Variants in LARP7 observed in about 807,000 individuals in gnomAD.
LARP7 encodes the protein la-related protein 7.
LARP7 carries 52 observed loss-of-function variants against 69.3 expected under a neutral mutation model. The ratio of observed to expected loss-of-function variants is 0.75; its 90% CI spans 0.60 to 0.95. The LOEUF (loss-of-function observed/expected upper bound fraction) is 0.95. Ranked by LOEUF, LARP7 falls within the 40% of genes least tolerant of loss-of-function variation. LARP7 has a pLI of 0.00. For synonymous variants in LARP7, 254 were observed against 215.9 expected, an observed-to-expected ratio of 1.18 and a Z score of -1.55; for missense variants, 733 against 673.0, an observed-to-expected ratio of 1.09 and a Z score of -0.99.
rs749819793 is a variant in LARP7 at position 112,647,746 on chromosome 4, C to G, written c.1054C>G (p.Leu352Val). 5.1e-6 allele frequency: 8 copies of G among 1,568,528 alleles called. No homozygotes were observed. Among genetic ancestry groups the G allele is most frequent in the Non-Finnish European group, 6.9e-6 (8 of 1,156,690 alleles). Residue 352 changes from leucine to valine, a missense_variant, in exon 8 of 13, where the codon CTC becomes GTC. Leu to Val is a conservative substitution (Grantham distance 32). Transcript: ENST00000344442. Reference sequence around the variant, plus strand: ...TACTGGAGATCTAAAAGATAGCTCTCTCTTGAAAACAAAAAGGAAACATAA... The same window carrying G: ...TACTGGAGATCTAAAAGATAGCTCTGTCTTGAAAACAAAAAGGAAACATAA... ...KDTGDLKDSS[L>V]LKTKRKHKKK...
intron 8 of LARP7, chr4:112,648,604 G>A (rs1411091653): frequency 4.4e-6 from 2 of 458,078 alleles, no homozygotes; most frequent in Non-Finnish European, 4.6e-6. Flanking sequence ...TTAGAGCTGA[G>A]GAGAAAGAAA....
rs746051022 is a variant in LARP7, at chr4:112,654,210, A to G, written c.1668+51A>G. The G allele has an allele frequency of 6.9e-6, 9 of 1,308,464 alleles. No homozygotes were observed. In the East Asian group the frequency reaches 1.8e-4, roughly 27 times the overall value. The allele number at this position is 1,308,464 out of a possible 1,614,324, so 81.1% of individuals were successfully genotyped here. A position where few individuals can be genotyped will look rare whatever the true frequency, so the allele number is the denominator to read the frequency against. On this transcript the variant is annotated intron_variant, in intron 12 of 12. Transcript: ENST00000344442. ...AGACTAAACTTTCCTTGAACGTTTA[A>G]TGCCAAAGTCAGTACTAGGTAGTCA... is the stretch of plus-strand genomic sequence containing the variant.
intron 8 of LARP7, among the ~76,000 whole-genome samples, chr4:112,648,873 A>G (rs1009247401): frequency 1.4e-5 from 2 of 142,512 alleles, no homozygotes; most frequent in Admixed American, 7.2e-5. Context: ...TTTGAAGTAT[A>G]CAGATGTCAA....
intron 8 of LARP7, chr4:112,648,712 C>A (rs1278980136): frequency 3.0e-6 from 1 of 337,230 alleles, no homozygotes; most frequent in Non-Finnish European, 6.1e-6. Flanking sequence ...AAGGCAGGGA[C>A]TTCAGCCACT....
At chr4:112,643,946 T>C (rs1578563215) in intron 1 of LARP7, among the ~76,000 whole-genome samples, 1 of 151,648 alleles carries the variant, frequency 6.6e-6, no homozygotes, top group East Asian at 2.0e-4. Flanking sequence ...AAATTAACAT[T>C]TTAAAAATCA....
At chr4:112,652,975 C>CT in intron 10 of LARP7, 102 bp from the exon 11 acceptor site, 2 of 818,688 alleles carry the variant, frequency 2.4e-6, no homozygotes, top group Non-Finnish European at 3.5e-6. Context: ...CTGCAAAATG[C>CT]TTTATTTACA....
intron 12 of LARP7, among the ~76,000 whole-genome samples, chr4:112,655,782 C>T (rs913924014): frequency 6.6e-6 from 1 of 152,124 alleles, no homozygotes; most frequent in Admixed American, 6.6e-5. Flanking sequence ...GGAAAACTCT[C>T]TGCAAAGGTT....
chr4:112,653,046 T>G (rs1387279860), intron 10 of LARP7, 31 bp from the exon 11 acceptor site: 5 of 1,529,374 alleles, frequency 3.3e-6, no homozygotes, highest in South Asian at 2.5e-5. Flanking sequence ...TTTTTAAATT[T>G]TATTTGTCTT....
chr4:112,637,547 G>T (rs2149240641), intron 1 of LARP7: 1 of 152,420 alleles, frequency 6.6e-6, no homozygotes, highest in South Asian at 2.1e-4. Flanking sequence ...AGTCAATAAA[G>T]AGAGTGCCGT....
In LARP7 at chr4:112,653,066, C is replaced by T. The variant is rs372939303; in HGVS notation, c.1417-11C>T. 6.4e-7 allele frequency: 1 copy of T among 1,572,322 alleles called. No homozygotes were observed. The highest frequency in any genetic ancestry group is 8.6e-7 in the Non-Finnish European group (1 of 1,165,688). ...AAATTTTATTTGTCTTTCTACTTAA[C>T]TCTAATGCAGGATACTTTGGCAGCA... On this transcript the variant is annotated splice_polypyrimidine_tract_variant and intron_variant, in intron 10 of 12. Transcript: ENST00000344442.
intron 8 of LARP7, among the ~76,000 whole-genome samples, chr4:112,649,021 G>A (rs2048564738): frequency 6.6e-6 from 1 of 151,896 alleles, no homozygotes; most frequent in Admixed American, 6.6e-5. Context: ...GCCGAGAAAG[G>A]CATTGTGTTT....
chr4:112,640,773 A>G (rs1004528020), intron 1 of LARP7, among the ~76,000 whole-genome samples: 1 of 152,234 alleles, frequency 6.6e-6, no homozygotes, highest in Admixed American at 6.5e-5. Context: ...ATAGTGACTG[A>G]GGCAGTGGAC....
At chr4:112,644,244 GAA>G (rs577425889) in intron 1 of LARP7, 234 of 82,660 alleles carry the variant, frequency 2.8e-3, no homozygotes, top group South Asian at 3.8e-3. Context: ...CTGTCTCCAA[GAA>G]AAAAAAAAAA....
intron 9 of LARP7, among the ~76,000 whole-genome samples, chr4:112,650,203 G>A (rs1031792062): frequency 6.6e-6 from 1 of 151,896 alleles, no homozygotes; most frequent in Non-Finnish European, 1.5e-5. Context: ...CAGGGAGAAG[G>A]GGCAAATTTA....
At chr4:112,638,840 G>C (rs938447791) in intron 1 of LARP7, among the ~76,000 whole-genome samples, 8 of 152,072 alleles carry the variant, frequency 5.3e-5, no homozygotes, top group Non-Finnish European at 1.2e-4. Context: ...TTTTATATTT[G>C]TACAAGAGTC....
At chr4:112,654,307 G>A in intron 12 of LARP7, 148 bp downstream of exon 12, 1 of 501,158 alleles carries the variant, frequency 2.0e-6, no homozygotes, top group Non-Finnish European at 3.6e-6. Context: ...GGTTGGGAGG[G>A]AAAAGTCATT....
At position 112,654,150 on chromosome 4, in the gene LARP7, C is replaced by A; in HGVS notation, c.1659C>A (p.Gly553=). The A allele has an allele frequency of 6.2e-7, 1 of 1,612,330 alleles. No homozygotes were observed. Among genetic ancestry groups the A allele is most frequent in the Non-Finnish European group, 8.5e-7 (1 of 1,178,790 alleles). The change falls in exon 12 of 13, where the codon GGC becomes GGA. Residue 553 remains glycine, a synonymous_variant. Coordinates refer to ENST00000344442, the MANE Select transcript of LARP7 (RefSeq NM_016648.4). ...ATCAGCCTCGGGAAAAGAAAAGAGGCACTGAAAAGGTAATTGATTCATTTT... is the reference window on the plus strand; with the variant it reads ...ATCAGCCTCGGGAAAAGAAAAGAGGAACTGAAAAGGTAATTGATTCATTTT... ...KLNQPREKKR[G]TEKLITKAEK...
intron 1 of LARP7, chr4:112,644,373 C>A: frequency 1.8e-6 from 1 of 558,508 alleles, no homozygotes. Context: ...CACTTACTGA[C>A]TTAAAAGTGC....
intron 1 of LARP7, among the ~76,000 whole-genome samples, chr4:112,642,723 A>G (rs1356554322): frequency 1.3e-5 from 2 of 152,108 alleles, no homozygotes; most frequent in Non-Finnish European, 2.9e-5. Context: ...TTTTTCTCCC[A>G]TTTACCCACA....
Sources: allele counts gnomAD v4.1 joint callset (sites outside exome capture counted in the v4.1 genomes callset), GRCh38; gene constraint gnomAD v4.1.1; transcripts MANE v1.5; gene names NCBI Gene and HGNC (gene_info 2026-07-23, HGNC 2026-07-21).